Variants in GPC6 observed in about 807,000 individuals in gnomAD.
The protein encoded by GPC6 is glypican 6, also known as glypican-6.
GPC6 carries 14 observed loss-of-function variants against 55.2 expected under a neutral mutation model. The observed-to-expected ratio is 0.25, with a 90% CI of 0.17 to 0.40. GPC6 has a LOEUF of 0.40. GPC6 is among the 10% of genes least tolerant of loss of function. GPC6 has a pLI of 1.00. For synonymous variants in GPC6, 278 were observed against 259.6 expected (o/e 1.07, Z -0.68); for missense variants, 641 against 708.5 (o/e 0.90, Z 1.08).
chr13:94,386,462 C>T (rs536544316), intron 7 of GPC6, among the ~76,000 whole-genome samples: 2 of 151,808 alleles, frequency 1.3e-5, no homozygotes, highest in Admixed American at 1.3e-4. Context: ...TGGTGGCAGG[C>T]GCCTATAATC....
At chr13:93,269,748 A>G (rs2031843) in intron 1 of GPC6, among the ~76,000 whole-genome samples, 7 of 143,892 alleles carry the variant, frequency 4.9e-5, no homozygotes, top group African/African-American at 1.6e-4. Flanking sequence ...GCACGGTGAA[A>G]CCCCATCTCT....
chr13:93,648,930 A>G (rs1450692681), intron 2 of GPC6, among the ~76,000 whole-genome samples: 4 of 152,210 alleles, frequency 2.6e-5, no homozygotes, highest in African/African-American at 9.6e-5. Context: ...GTCACTGTAA[A>G]TGTCAAAGTA....
intron 4 of GPC6, among the ~76,000 whole-genome samples, chr13:94,034,703 A>G (rs1220631315): frequency 6.6e-6 from 1 of 152,018 alleles, no homozygotes; most frequent in Non-Finnish European, 1.5e-5. Context: ...CTCAACTTCT[A>G]TGCAATTAAT....
chr13:93,749,276 C>T (rs1461631612), intron 2 of GPC6, among the ~76,000 whole-genome samples: 1 of 151,922 alleles, frequency 6.6e-6, no homozygotes, highest in African/African-American at 2.4e-5. Context: ...TTCCAACCTA[C>T]TTTTATCTTT....
intron 2 of GPC6, among the ~76,000 whole-genome samples, chr13:93,567,230 C>A (rs1876174265): frequency 6.6e-6 from 1 of 152,222 alleles, no homozygotes; most frequent in African/African-American, 2.4e-5. Flanking sequence ...CTGTAATAGA[C>A]ACACAGGCCA....
intron 1 of GPC6, among the ~76,000 whole-genome samples, chr13:93,240,428 G>A (rs1222529256): frequency 1.2e-4 from 18 of 151,772 alleles, no homozygotes; most frequent in Admixed American, 1.1e-3. Flanking sequence ...TTGATTTAAT[G>A]TCTGATTTAT....
intron 1 of GPC6, among the ~76,000 whole-genome samples, chr13:93,340,267 C>G (rs997800239): frequency 1.3e-5 from 2 of 151,980 alleles, no homozygotes; most frequent in African/African-American, 4.8e-5. Context: ...ATCTCCTGAC[C>G]TCGTGATCTG....
intron 3 of GPC6, among the ~76,000 whole-genome samples, chr13:93,927,580 C>T (rs1877926537): frequency 6.6e-6 from 1 of 151,214 alleles, no homozygotes; most frequent in South Asian, 2.1e-4. Flanking sequence ...GTTAAGAGAA[C>T]ACATCCTTAA....
chr13:93,934,168 G>T (rs1373227945), intron 3 of GPC6, among the ~76,000 whole-genome samples: 2 of 152,102 alleles, frequency 1.3e-5, no homozygotes, highest in Non-Finnish European at 2.9e-5. Context: ...TACATACAAG[G>T]TTATCCCATA....
intron 1 of GPC6, among the ~76,000 whole-genome samples, chr13:93,504,321 T>C (rs1372989972): frequency 6.6e-6 from 1 of 152,000 alleles, no homozygotes; most frequent in Non-Finnish European, 1.5e-5. Flanking sequence ...AAATATGAGT[T>C]CCAAATATTG....
intron 1 of GPC6, among the ~76,000 whole-genome samples, chr13:93,276,524 G>A (rs960968062): frequency 1.4e-5 from 2 of 147,990 alleles, no homozygotes; most frequent in African/African-American, 5.1e-5. Flanking sequence ...GTGTGTGTGT[G>A]TGTATGTGTG....
intron 4 of GPC6, among the ~76,000 whole-genome samples, chr13:94,096,797 A>G (rs893356908): frequency 2.0e-5 from 3 of 152,218 alleles, no homozygotes; most frequent in Non-Finnish European, 4.4e-5. Flanking sequence ...CTAGGTGAAT[A>G]TTCTGAGGTA....
chr13:94,214,870 T>C (rs1890181633), intron 4 of GPC6, among the ~76,000 whole-genome samples: 1 of 152,218 alleles, frequency 6.6e-6, no homozygotes, highest in Non-Finnish European at 1.5e-5. Flanking sequence ...ATAGATACAC[T>C]TAATTAAACT....
intron 2 of GPC6, among the ~76,000 whole-genome samples, chr13:93,630,164 C>T (rs1164960527): frequency 6.6e-6 from 1 of 152,298 alleles, no homozygotes; most frequent in Non-Finnish European, 1.5e-5. Flanking sequence ...ATTGACTGTG[C>T]ATATGACATA....
intron 4 of GPC6, among the ~76,000 whole-genome samples, chr13:94,279,227 G>A (rs1173539524): frequency 2.0e-5 from 3 of 152,088 alleles, no homozygotes; most frequent in Non-Finnish European, 2.9e-5. Context: ...TTTGCATAGA[G>A]GTGTTTATAT....
intron 2 of GPC6, among the ~76,000 whole-genome samples, chr13:93,678,462 T>A (rs1474666907): frequency 6.6e-6 from 1 of 152,204 alleles, no homozygotes; most frequent in Non-Finnish European, 1.5e-5. Context: ...GTTTGTGAAA[T>A]AATCTTAGCA....
chr13:93,846,862 A>G (rs1303528820), intron 3 of GPC6, among the ~76,000 whole-genome samples: 1 of 152,158 alleles, frequency 6.6e-6, no homozygotes, highest in Non-Finnish European at 1.5e-5. Context: ...ACTGAAGAAG[A>G]GCTTGTGGCT....
intron 2 of GPC6, among the ~76,000 whole-genome samples, chr13:93,586,635 A>G (rs1877213267): frequency 6.6e-6 from 1 of 152,206 alleles, no homozygotes; most frequent in Admixed American, 6.5e-5. Flanking sequence ...AAAGACCTAA[A>G]TGTAAAACCT....
chr13:94,206,845 C>G (rs923370773), intron 4 of GPC6, among the ~76,000 whole-genome samples: 1 of 151,960 alleles, frequency 6.6e-6, no homozygotes. Context: ...AGCGTGAGAC[C>G]CTGTTTCAAA....
Sources: allele counts gnomAD v4.1 joint callset (sites outside exome capture counted in the v4.1 genomes callset), GRCh38; gene constraint gnomAD v4.1.1; transcripts MANE v1.5; gene names NCBI Gene and HGNC (gene_info 2026-07-23, HGNC 2026-07-21).